RIC3: variants seen among roughly 807,000 people sequenced by gnomAD.
RIC3 encodes the protein RIC3 acetylcholine receptor chaperone.
In RIC3, 28 loss-of-function variants were observed where a neutral mutation model predicts 27.3. The ratio of observed to expected loss-of-function variants is 1.02; its 90% CI spans 0.76 to 1.41. The LOEUF (loss-of-function observed/expected upper bound fraction) is 1.41. Among genes scored for constraint, RIC3 ranks in the 40% most tolerant of loss-of-function variants. The probability of loss-of-function intolerance (pLI) is 0.00; values close to 1 mark genes in which losing one functional copy is unlikely to be tolerated. For synonymous variants in RIC3, 184 were observed against 160.4 expected (o/e 1.15, Z -1.11); for missense variants, 501 against 444.7 (o/e 1.13, Z -1.14).
Position 8,122,700 on chromosome 11 carries a change from C to A in RIC3, c.670+3959G>T, listed in dbSNP as rs537905403. On this transcript the variant is annotated intron_variant, in intron 5 of 5. Transcript: ENST00000309737. Reference sequence around the variant, plus strand: ...GCCCTAGAATAAAGGCTGTTCTGGACCCAAACTAAAAAATGTTAAAGCTTT... The same window carrying A: ...GCCCTAGAATAAAGGCTGTTCTGGAACCAAACTAAAAAATGTTAAAGCTTT... Among the ~76,000 whole-genome samples, 10 of 151,922 alleles carry A rather than the reference C, an allele frequency of 6.6e-5. No individual in the cohort carries two copies. The South Asian group carries it at 2.1e-3, about 32-fold the overall frequency.
chr11:8,114,753 T>C (rs1945662225), intron 5 of RIC3, among the ~76,000 whole-genome samples: 1 of 150,880 alleles, frequency 6.6e-6, no homozygotes, highest in Non-Finnish European at 1.5e-5. Context: ...AATAAATAAC[T>C]AAAACAAAAA....
chr11:8,168,390 C>A (rs1056250568), intron 1 of RIC3, among the ~76,000 whole-genome samples: 12 of 152,124 alleles, frequency 7.9e-5, no homozygotes, highest in African/African-American at 2.9e-4. Context: ...CAGTGAGCGC[C>A]CAGCACCAAG....
chr11:8,100,671 A>T, the RIC3 span: 1 of 1,550,730 alleles, frequency 6.4e-7, no homozygotes, highest in Non-Finnish European at 8.9e-7. Context: ...TAAGGGCAGA[A>T]CTCCAGCTGA....
At chr11:8,119,336 C>G (rs1359846863) in intron 5 of RIC3, among the ~76,000 whole-genome samples, 1 of 152,052 alleles carries the variant, frequency 6.6e-6, no homozygotes, top group Non-Finnish European at 1.5e-5. Flanking sequence ...GGTACTGGTA[C>G]CAAAATAGAG....
intron 4 of RIC3, chr11:8,128,105 G>C (rs560192869): frequency 2.3e-6 from 1 of 441,976 alleles, no homozygotes; most frequent in Non-Finnish European, 4.5e-6. Flanking sequence ...CTTCCCATCA[G>C]TACAGGAGTC....
chr11:8,112,439 GC>G (rs1452937368), intron 5 of RIC3, among the ~76,000 whole-genome samples: 3 of 151,978 alleles, frequency 2.0e-5, no homozygotes, highest in African/African-American at 7.2e-5. Flanking sequence ...GATTACAGGT[GC>G]ATGCCACCAC....
chr11:8,123,677 A>G lies in RIC3; in HGVS notation c.670+2982T>C, dbSNP rs182622604. Among the ~76,000 whole-genome samples the G allele has an allele frequency of 2.1e-3, 325 of 152,266 alleles. 1 individual carries two copies. Among genetic ancestry groups the G allele is most frequent in the Admixed American group, 3.5e-3 (53 of 15,298 alleles). On this transcript the variant is annotated intron_variant, in intron 5 of 5. Coordinates refer to ENST00000309737, the MANE Select transcript of RIC3 (RefSeq NM_001206671.4). ...ATACAAACTATCAAAAGTTCACTCAAGAAGTGAATGAACGAATAGCACTAT... is the reference window on the plus strand; with the variant it reads ...ATACAAACTATCAAAAGTTCACTCAGGAAGTGAATGAACGAATAGCACTAT...
the RIC3 span, chr11:8,098,773 C>T: frequency 1.9e-6 from 3 of 1,613,876 alleles, no homozygotes; most frequent in Non-Finnish European, 2.5e-6. Context: ...ACTTGATGGG[C>T]ACCAAGTTCA....
At chr11:8,138,152 C>G (rs1481865355) in intron 3 of RIC3, 120 bp downstream of exon 3, 2 of 632,768 alleles carry the variant, frequency 3.2e-6, no homozygotes, top group Non-Finnish European at 5.4e-6. Flanking sequence ...AAAATGGCAT[C>G]AGATTAATTT....
chr11:8,151,839 C>T lies in RIC3; in HGVS notation c.125-11646G>A, dbSNP rs1950264999. Among the ~76,000 whole-genome samples the T allele has an allele frequency of 2.6e-5, 4 of 151,024 alleles. No individual in the cohort carries two copies. The South Asian group carries it at 8.4e-4, about 32-fold the overall frequency. ...GCTGAGGCAGGAGAATCGCTTGAAC[C>T]CAGGAGACAAAGGTTGCGATGAGCA... On this transcript the variant is annotated intron_variant, in intron 1 of 5. Coordinates refer to ENST00000309737, the MANE Select transcript of RIC3 (RefSeq NM_001206671.4).
intron 1 of RIC3, among the ~76,000 whole-genome samples, chr11:8,142,120 G>A (rs1277999772): frequency 6.8e-6 from 1 of 146,392 alleles, no homozygotes; most frequent in East Asian, 2.0e-4. Flanking sequence ...AAAAGAACTA[G>A]AAAAGCAAGA....
Position 8,110,772 on chromosome 11 carries a change from C to G in RIC3, c.1036G>C (p.Gly346Arg). 6.2e-7 allele frequency: 1 copy of G among 1,614,202 alleles called. No individual in the cohort carries two copies. Among genetic ancestry groups the G allele is most frequent in the Non-Finnish European group, 8.5e-7 (1 of 1,180,040 alleles). ...EEWSQDFKDEGLGISTDKAYT... is the reference protein window; with the variant it reads ...EEWSQDFKDERLGISTDKAYT... Reference sequence around the variant, plus strand: ...GCTTTATCGGTGCTGATGCCCAACCCTTCATCTTTAAAGTCTTGGGACCAC... The same window carrying G: ...GCTTTATCGGTGCTGATGCCCAACCGTTCATCTTTAAAGTCTTGGGACCAC... The change falls in exon 6 of 6, where the codon GGG becomes CGG. Residue 346 changes from glycine to arginine, a missense_variant. By Grantham distance (125) the Gly-to-Arg change is moderately radical. Coordinates refer to ENST00000309737, the MANE Select transcript of RIC3 (RefSeq NM_001206671.4).
chr11:8,143,480 AG>A (rs1949299406), intron 1 of RIC3, among the ~76,000 whole-genome samples: 1 of 151,248 alleles, frequency 6.6e-6, no homozygotes, highest in South Asian at 2.1e-4. Flanking sequence ...AGGGATGTGA[AG>A]GACCTCTTCA....
chr11:8,124,052 G>C (rs577194433), intron 5 of RIC3, among the ~76,000 whole-genome samples: 85 of 148,086 alleles, frequency 5.7e-4, no homozygotes, highest in Non-Finnish European at 7.6e-4. Flanking sequence ...CTGGGCAACA[G>C]GGCAAGACCC....
intron 5 of RIC3, among the ~76,000 whole-genome samples, chr11:8,118,929 A>G (rs763177536): frequency 1.1e-4 from 17 of 152,230 alleles, no homozygotes; most frequent in Non-Finnish European, 8.8e-5. Flanking sequence ...CCAAATTAGT[A>G]TATTAAAAGT....
At chr11:8,120,758 C>G (rs537061660) in intron 5 of RIC3, among the ~76,000 whole-genome samples, 3 of 150,930 alleles carry the variant, frequency 2.0e-5, no homozygotes, top group African/African-American at 4.9e-5. Context: ...AGAAAACAAA[C>G]AAGCTACCTA....
the RIC3 span, chr11:8,100,620 C>T: frequency 3.7e-6 from 6 of 1,607,838 alleles, no homozygotes; most frequent in Admixed American, 3.3e-5. Flanking sequence ...CTACCCCTTC[C>T]TCCCCTCTTT....
rs1052024533 is a variant in RIC3, at chr11:8,134,031, A to G, written c.521+3347T>C. On this transcript the variant is annotated intron_variant, in intron 4 of 5. Coordinates refer to ENST00000309737, the MANE Select transcript of RIC3 (RefSeq NM_001206671.4). ...TTTATTATACTTTAAGTTCTAGGGTACATGTGCACAATGTGCTGGTTTGTT... is the reference window on the plus strand; with the variant it reads ...TTTATTATACTTTAAGTTCTAGGGTGCATGTGCACAATGTGCTGGTTTGTT... Among the ~76,000 whole-genome samples, 3 of 151,518 alleles carry G rather than the reference A, an allele frequency of 2.0e-5. No homozygotes were observed. The East Asian group carries it at 5.8e-4, about 29-fold the overall frequency.
chr11:8,150,730 T>C (rs1473575529), intron 1 of RIC3, among the ~76,000 whole-genome samples: 1 of 152,216 alleles, frequency 6.6e-6, no homozygotes, highest in Non-Finnish European at 1.5e-5. Flanking sequence ...TGAAGGCAAC[T>C]GAGAAGCCTG....
Sources: allele counts gnomAD v4.1 joint callset (sites outside exome capture counted in the v4.1 genomes callset), GRCh38; gene constraint gnomAD v4.1.1; transcripts MANE v1.5; gene names NCBI Gene and HGNC (gene_info 2026-07-23, HGNC 2026-07-21).